Variants in NEO1 observed in about 807,000 individuals in gnomAD.
The protein encoded by NEO1 is neogenin.
NEO1 carries 63 observed loss-of-function variants against 159.7 expected under a neutral mutation model. The ratio of observed to expected loss-of-function variants is 0.39; its 90% CI spans 0.32 to 0.49. The LOEUF (loss-of-function observed/expected upper bound fraction) is 0.49. Ranked by LOEUF, NEO1 falls within the 20% of genes least tolerant of loss-of-function variation. The pLI, the probability that NEO1 is intolerant of heterozygous loss-of-function variation, is 0.85. For synonymous variants in NEO1, 633 were observed against 662.0 expected (o/e 0.96, Z 0.67); for missense variants, 1,615 against 1,831.0 (o/e 0.88, Z 2.15).
intron 5 of NEO1, among the ~76,000 whole-genome samples, chr15:73,171,441 G>A (rs2034959159): frequency 6.6e-6 from 1 of 151,738 alleles, no homozygotes. Context: ...GTGCGTTCCT[G>A]TAGTCTCAGC....
At chr15:73,203,868 C>G (rs987817499) in intron 7 of NEO1, among the ~76,000 whole-genome samples, 1 of 152,072 alleles carries the variant, frequency 6.6e-6, no homozygotes, top group Non-Finnish European at 1.5e-5. Context: ...TTTAGGTCAA[C>G]TAAGAATAAG....
chr15:73,207,235 C>G (rs2037290941), intron 7 of NEO1, among the ~76,000 whole-genome samples: 1 of 152,150 alleles, frequency 6.6e-6, no homozygotes, highest in Non-Finnish European at 1.5e-5. Context: ...ATATTTTAAT[C>G]ATTACTTAAA....
At chr15:73,288,900 C>T (rs1204610815) in intron 24 of NEO1, among the ~76,000 whole-genome samples, 3 of 152,216 alleles carry the variant, frequency 2.0e-5, no homozygotes, top group Admixed American at 1.3e-4. Context: ...CATTCTTGGT[C>T]TGGAGGCTCT....
At chr15:73,288,607 A>C in intron 24 of NEO1, 56 bp downstream of exon 24, 1 of 1,497,250 alleles carries the variant, frequency 6.7e-7, no homozygotes, top group African/African-American at 1.4e-5. Context: ...TTTCATTTAA[A>C]TCTTTTTTTT....
chr15:73,182,046 G>A (rs1457451267), intron 7 of NEO1, among the ~76,000 whole-genome samples: 3 of 151,348 alleles, frequency 2.0e-5, no homozygotes, highest in Admixed American at 2.0e-4. Context: ...CAGAAGGCAA[G>A]GAGGAGCGAG....
chr15:73,159,206 C>G (rs1237662677), intron 5 of NEO1, among the ~76,000 whole-genome samples: 2 of 152,166 alleles, frequency 1.3e-5, no homozygotes, highest in African/African-American at 2.4e-5. Context: ...CTGATAAACA[C>G]TACAAACGTT....
intron 5 of NEO1, among the ~76,000 whole-genome samples, chr15:73,154,789 AT>A (rs1476546187): frequency 6.6e-6 from 1 of 152,202 alleles, no homozygotes; most frequent in African/African-American, 2.4e-5. Context: ...AGTTTTTAAA[AT>A]TCATTCCACC....
chr15:73,053,967 A>G (rs1014173182), intron 1 of NEO1, among the ~76,000 whole-genome samples: 3 of 152,262 alleles, frequency 2.0e-5, no homozygotes, highest in Admixed American at 1.3e-4. Context: ...TATGTAGCTC[A>G]TGGCTTTTGC....
intron 1 of NEO1, among the ~76,000 whole-genome samples, chr15:73,053,978 C>T (rs529719528): frequency 1.3e-5 from 2 of 152,246 alleles, no homozygotes; most frequent in African/African-American, 4.8e-5. Flanking sequence ...TGGCTTTTGC[C>T]AATGTTAAAG....
chr15:73,237,174 G>A (rs963591851), intron 8 of NEO1, among the ~76,000 whole-genome samples: 21 of 152,164 alleles, frequency 1.4e-4, no homozygotes, highest in African/African-American at 4.3e-4. Flanking sequence ...TCAGCTGAAG[G>A]TAAATTCAGT....
chr15:73,220,775 A>G (rs1303345837), intron 7 of NEO1, among the ~76,000 whole-genome samples: 4 of 152,170 alleles, frequency 2.6e-5, no homozygotes, highest in African/African-American at 9.7e-5. Flanking sequence ...TTTCAGCTCC[A>G]TCAGCTCCTT....
At chr15:73,105,106 C>G (rs571898559) in intron 1 of NEO1, among the ~76,000 whole-genome samples, 95 of 152,248 alleles carry the variant, frequency 6.2e-4, no homozygotes, top group African/African-American at 2.3e-3. Flanking sequence ...CTTGAAAAAT[C>G]TTATCTACTC....
At chr15:73,088,832 A>G (rs2069513452) in intron 1 of NEO1, among the ~76,000 whole-genome samples, 1 of 152,070 alleles carries the variant, frequency 6.6e-6, no homozygotes, top group African/African-American at 2.4e-5. Context: ...TGGGCGTGAA[A>G]TAGAGAAGAT....
At chr15:73,099,224 TTTC>T (rs1436963803) in intron 1 of NEO1, among the ~76,000 whole-genome samples, 1 of 152,240 alleles carries the variant, frequency 6.6e-6, no homozygotes, top group Non-Finnish European at 1.5e-5. Context: ...TTTCCCCTCT[TTTC>T]TTCAATATTA....
chr15:73,283,144 T>C, intron 23 of NEO1, 33 bp downstream of exon 23: 1 of 1,612,150 alleles, frequency 6.2e-7, no homozygotes, highest in Non-Finnish European at 8.5e-7. Flanking sequence ...CTTAGATTTT[T>C]GGCATCTTAT....
At chr15:73,205,729 TG>T (rs2037175178) in intron 7 of NEO1, among the ~76,000 whole-genome samples, 1 of 152,196 alleles carries the variant, frequency 6.6e-6, no homozygotes, top group South Asian at 2.1e-4. Flanking sequence ...CTCTACAGTT[TG>T]GGGTGGGGAT....
At chr15:73,095,647 G>T (rs1004266555) in intron 1 of NEO1, among the ~76,000 whole-genome samples, 1 of 148,444 alleles carries the variant, frequency 6.7e-6, no homozygotes, top group Non-Finnish European at 1.5e-5. Flanking sequence ...TAGCATTCAC[G>T]AAAGATGACC....
At chr15:73,299,031 T>C (rs2042495055) in intron 27 of NEO1, among the ~76,000 whole-genome samples, 1 of 152,078 alleles carries the variant, frequency 6.6e-6, no homozygotes, top group Non-Finnish European at 1.5e-5. Context: ...AGAAGTAACC[T>C]CAGAATAGGG....
At chr15:73,067,499 G>T (rs2068281016) in intron 1 of NEO1, among the ~76,000 whole-genome samples, 1 of 151,352 alleles carries the variant, frequency 6.6e-6, no homozygotes, top group African/African-American at 2.4e-5. Context: ...GCCCAGGCTG[G>T]AGTGCAGTGG....
Sources: gnomAD v4.1 joint callset for allele counts (sites outside exome capture counted in the v4.1 genomes callset) on GRCh38, gnomAD v4.1.1 for gene constraint, MANE v1.5 for transcripts, NCBI Gene and HGNC (gene_info 2026-07-23, HGNC 2026-07-21) for gene names.